Variants in FGF14 observed in about 807,000 individuals in gnomAD.
FGF14 encodes the protein fibroblast growth factor 14, also known as fibroblast growth factor homologous factor 4.
A neutral mutation model predicts 25.5 loss-of-function variants in FGF14; 5 were observed. The observed-to-expected ratio is 0.20, with a 90% confidence interval of 0.10 to 0.41. The LOEUF is 0.41. FGF14 is among the 10% of genes least tolerant of loss of function. The pLI is 1.00. For missense variants in FGF14, 222 were observed against 320.1 expected (o/e 0.69, Z 2.34); for synonymous variants, 138 against 118.3 (o/e 1.17, Z -1.08).
chr13:101,898,369 C>CACAA (rs1319376874), intron 1 of FGF14, among the ~76,000 whole-genome samples: 1 of 150,114 alleles, frequency 6.7e-6, no homozygotes, highest in East Asian at 1.9e-4. Flanking sequence ...CACACACACA[C>CACAA]ACACACATAT....
intron 3 of FGF14, among the ~76,000 whole-genome samples, chr13:101,853,044 G>A (rs1402549556): frequency 1.3e-5 from 2 of 152,026 alleles, no homozygotes; most frequent in African/African-American, 4.8e-5. Flanking sequence ...AGAATATTAA[G>A]GACTTAGGAA....
chr13:101,873,697 A>G (rs1027735735), intron 2 of FGF14, among the ~76,000 whole-genome samples: 1 of 152,120 alleles, frequency 6.6e-6, no homozygotes, highest in African/African-American at 2.4e-5. Context: ...CCTGAACCAT[A>G]AGAAACTGAC....
intron 1 of FGF14, among the ~76,000 whole-genome samples, chr13:102,136,912 T>C (rs1014120710): frequency 3.9e-5 from 6 of 152,214 alleles, no homozygotes; most frequent in Non-Finnish European, 5.9e-5. Flanking sequence ...GGACCAGTCA[T>C]GGAGTTTTTA....
chr13:102,211,540 A>C (rs1421105448), intron 1 of FGF14, among the ~76,000 whole-genome samples: 1 of 152,184 alleles, frequency 6.6e-6, no homozygotes, highest in East Asian at 1.9e-4. Context: ...GTTAGAGTTA[A>C]GGGGGGAAAA....
At chr13:102,016,256 C>T (rs1449299529) in intron 1 of FGF14, among the ~76,000 whole-genome samples, 2 of 152,028 alleles carry the variant, frequency 1.3e-5, no homozygotes, top group East Asian at 1.9e-4. Flanking sequence ...TTTTCTCTTC[C>T]TGCACCACAA....
At chr13:102,008,851 G>A (rs1208899380) in intron 1 of FGF14, among the ~76,000 whole-genome samples, 1 of 151,930 alleles carries the variant, frequency 6.6e-6, no homozygotes. Context: ...TTTTTGGGTG[G>A]GAAAGATCAA....
chr13:102,323,985 G>A (rs1365602760), intron 1 of FGF14, among the ~76,000 whole-genome samples: 1 of 151,594 alleles, frequency 6.6e-6, no homozygotes, highest in African/African-American at 2.4e-5. Flanking sequence ...GTGTGTGTGT[G>A]TGTGTGTGTG....
chr13:101,927,616 C>CT (rs2034452976), intron 1 of FGF14, among the ~76,000 whole-genome samples: 3 of 152,212 alleles, frequency 2.0e-5, no homozygotes, highest in Admixed American at 2.0e-4. Context: ...CTCAAATACT[C>CT]TAATTCCCAG....
chr13:101,884,191 C>T (rs531057233), intron 1 of FGF14, among the ~76,000 whole-genome samples: 19 of 151,822 alleles, frequency 1.3e-4, no homozygotes, highest in Admixed American at 7.2e-4. Flanking sequence ...TGGCCTCTCA[C>T]GCTGCCCAGG....
intron 3 of FGF14, among the ~76,000 whole-genome samples, chr13:101,842,964 C>T (rs2043262654): frequency 6.6e-6 from 1 of 152,026 alleles, no homozygotes; most frequent in Non-Finnish European, 1.5e-5. Context: ...TGGCCAAACT[C>T]GGACAAACGA....
At chr13:102,169,264 C>A (rs549813575) in intron 1 of FGF14, among the ~76,000 whole-genome samples, 31 of 152,048 alleles carry the variant, frequency 2.0e-4, no homozygotes, top group Non-Finnish European at 2.6e-4. Flanking sequence ...CTAATATCTT[C>A]AATCCAAAAG....
At chr13:102,108,520 T>C (rs1002573879) in intron 1 of FGF14, among the ~76,000 whole-genome samples, 20 of 152,244 alleles carry the variant, frequency 1.3e-4, no homozygotes, top group Non-Finnish European at 2.5e-4. Flanking sequence ...AGATATTGTG[T>C]GAGCTCTTTC....
chr13:102,105,864 G>T (rs191795996), intron 1 of FGF14, among the ~76,000 whole-genome samples: 22 of 152,240 alleles, frequency 1.4e-4, no homozygotes, highest in Middle Eastern at 3.4e-3. Context: ...TAATGTGTTT[G>T]TTTTAAATTA....
chr13:102,137,478 A>AT (rs1281705149), intron 1 of FGF14, among the ~76,000 whole-genome samples: 1 of 152,188 alleles, frequency 6.6e-6, no homozygotes, highest in African/African-American at 2.4e-5. Flanking sequence ...TGTGTCCCAA[A>AT]TAAGTCTGGA....
chr13:102,232,810 A>G (rs961669087), intron 1 of FGF14, among the ~76,000 whole-genome samples: 2 of 152,382 alleles, frequency 1.3e-5, no homozygotes, highest in Non-Finnish European at 2.9e-5. Context: ...GCCTTTATAG[A>G]TGAGTATTAG....
chr13:101,909,931 T>C (rs944048275), intron 1 of FGF14, among the ~76,000 whole-genome samples: 1 of 152,196 alleles, frequency 6.6e-6, no homozygotes, highest in Non-Finnish European at 1.5e-5. Context: ...GATGAGTTAA[T>C]GTCCTTTGTA....
At chr13:101,930,063 C>T (rs766750046) in intron 1 of FGF14, among the ~76,000 whole-genome samples, 6 of 152,186 alleles carry the variant, frequency 3.9e-5, no homozygotes, top group African/African-American at 1.4e-4. Flanking sequence ...CTCGTTTTAA[C>T]GTGAGAGCTT....
intron 1 of FGF14, among the ~76,000 whole-genome samples, chr13:102,161,724 G>GAATAAT (rs1264947808): frequency 2.7e-5 from 4 of 149,600 alleles, no homozygotes; most frequent in Non-Finnish European, 4.5e-5. Flanking sequence ...AGAAGAAGAA[G>GAATAAT]AATAGAAATG....
chr13:101,738,992 A>ATG (rs921632908), intron 3 of FGF14, among the ~76,000 whole-genome samples: 2 of 146,700 alleles, frequency 1.4e-5, no homozygotes, highest in South Asian at 2.1e-4. Flanking sequence ...GTGTGTTTAT[A>ATG]TGTGTGTGTG....
Sources: allele counts gnomAD v4.1 joint callset (sites outside exome capture counted in the v4.1 genomes callset), GRCh38; gene constraint gnomAD v4.1.1; transcripts MANE v1.5; gene names NCBI Gene and HGNC (gene_info 2026-07-23, HGNC 2026-07-21).